RABL3: variants seen among roughly 807,000 people sequenced by gnomAD.
RABL3 encodes the protein RAB, member of RAS oncogene family like 3.
A neutral mutation model predicts 31.8 loss-of-function variants in RABL3; 31 were observed. That is an observed-to-expected ratio of 0.97 (90% CI 0.73 to 1.31). RABL3 has a LOEUF of 1.31. Among genes scored for constraint, RABL3 ranks in the 40% most tolerant of loss-of-function variants. The pLI is 0.00. For synonymous variants in RABL3, 97 were observed against 99.9 expected, an observed-to-expected ratio of 0.97 and a Z score of 0.18; for missense variants, 263 against 279.6, an observed-to-expected ratio of 0.94 and a Z score of 0.42.
At chr3:120,734,680 T>C (rs11720614) in intron 1 of RABL3, among the ~76,000 whole-genome samples, 35,968 of 152,152 alleles carry the variant, frequency 0.24, 4,861 homozygotes, top group Non-Finnish European at 0.3. Flanking sequence ...GGCTGTGGGT[T>C]TGCCATAAAT....
rs1708331890 is a variant in RABL3, at chr3:120,687,962, A to C, written c.*1861T>G. ...CAGGCGCGTGCCACCAGGCCTGGCT[A>C]ATTTTTGTATTTTTAGTAGAGACAG... On this transcript the variant is annotated 3_prime_UTR_variant, in exon 8 of 8. Transcript: ENST00000273375. 6.6e-6 allele frequency: 1 copy of C among 151,894 alleles called. No homozygotes were observed. Among genetic ancestry groups the C allele is most frequent in the South Asian group, 2.1e-4 (1 of 4,818 alleles). 9.4% of individuals were successfully genotyped at this position (151,894 alleles called of 1,614,324 possible). A position where few individuals can be genotyped will look rare whatever the true frequency, so the allele number is the denominator to read the frequency against.
intron 1 of RABL3, among the ~76,000 whole-genome samples, chr3:120,740,065 G>C (rs1709022856): frequency 6.6e-6 from 1 of 152,168 alleles, no homozygotes; most frequent in South Asian, 2.1e-4. Context: ...GAATGCACTT[G>C]ATTTGCTTGG....
chr3:120,709,939 T>G (rs1193756986), intron 2 of RABL3, 30 bp from the exon 3 acceptor site: 1 of 1,540,162 alleles, frequency 6.5e-7, no homozygotes, highest in African/African-American at 1.4e-5. Flanking sequence ...AAATAATTAA[T>G]ATAGCCACTA....
At chr3:120,740,866 G>T (rs557075124) in intron 1 of RABL3, among the ~76,000 whole-genome samples, 1 of 152,256 alleles carries the variant, frequency 6.6e-6, no homozygotes, top group Middle Eastern at 3.4e-3. Flanking sequence ...ACCATAACAG[G>T]GGAGGCGGGC....
At chr3:120,738,228 A>G (rs1175838419) in intron 1 of RABL3, among the ~76,000 whole-genome samples, 1 of 152,142 alleles carries the variant, frequency 6.6e-6, no homozygotes, top group East Asian at 1.9e-4. Flanking sequence ...CCCCAGCCTC[A>G]CTGCCACCTT....
intron 6 of RABL3, among the ~76,000 whole-genome samples, chr3:120,691,273 A>C (rs561438068): frequency 1.3e-5 from 2 of 152,332 alleles, no homozygotes; most frequent in South Asian, 4.1e-4. Flanking sequence ...CAAGAATAAT[A>C]AATTCTGTTC....
At position 120,698,407 on chromosome 3, in the gene RABL3, T is replaced by C; in HGVS notation, c.534+16A>G. On this transcript the variant is annotated intron_variant, in intron 5 of 7. Transcript: ENST00000273375. ...ACCCGATAATAATACAAGCATGCAT[T>C]AGTGAAAATACATACCAAATTAATT... 7.5e-6 allele frequency: 12 copies of C among 1,606,020 alleles called. No individual in the cohort carries two copies. Among genetic ancestry groups the C allele is most frequent in the Non-Finnish European group, 1.0e-5 (12 of 1,174,802 alleles).
intron 3 of RABL3, among the ~76,000 whole-genome samples, chr3:120,707,259 T>G (rs1708559642): frequency 6.6e-6 from 1 of 152,136 alleles, no homozygotes; most frequent in Non-Finnish European, 1.5e-5. Flanking sequence ...GCATCTCTTC[T>G]GGTGTCTGAA....
chr3:120,733,828 C>T (rs905769547), intron 1 of RABL3, among the ~76,000 whole-genome samples: 1 of 152,244 alleles, frequency 6.6e-6, no homozygotes, highest in Non-Finnish European at 1.5e-5. Flanking sequence ...TTCCCCATTG[C>T]TTGTTTTTCT....
intron 2 of RABL3, among the ~76,000 whole-genome samples, chr3:120,727,532 A>T (rs1260855051): frequency 2.0e-5 from 3 of 152,138 alleles, no homozygotes; most frequent in African/African-American, 7.2e-5. Flanking sequence ...GAAAAAAAAA[A>T]TACCAATCTT....
intron 1 of RABL3, among the ~76,000 whole-genome samples, chr3:120,734,901 A>T (rs1421859290): frequency 6.6e-6 from 1 of 152,196 alleles, no homozygotes; most frequent in Non-Finnish European, 1.5e-5. Flanking sequence ...AGCCCACTTG[A>T]TCATGGTAGA....
chr3:120,721,453 C>T (rs1488507714), intron 2 of RABL3, among the ~76,000 whole-genome samples: 1 of 151,834 alleles, frequency 6.6e-6, no homozygotes, highest in African/African-American at 2.4e-5. Flanking sequence ...CAGAGACACA[C>T]ATAGGCTCAA....
chr3:120,695,903 C>G (rs771772021), intron 5 of RABL3, among the ~76,000 whole-genome samples: 4 of 152,048 alleles, frequency 2.6e-5, no homozygotes, highest in Non-Finnish European at 5.9e-5. Flanking sequence ...AATTTCAGGT[C>G]GACCAGCCTA....
At chr3:120,689,952 T>C (rs1250919145) in intron 7 of RABL3, 64 bp from the exon 8 acceptor site, 4 of 1,330,524 alleles carry the variant, frequency 3.0e-6, no homozygotes, top group African/African-American at 1.5e-5. Flanking sequence ...CTAATAGTAA[T>C]TTTTCCCTTC....
chr3:120,718,499 A>G (rs1324484286), intron 2 of RABL3, among the ~76,000 whole-genome samples: 1 of 152,174 alleles, frequency 6.6e-6, no homozygotes, highest in East Asian at 1.9e-4. Context: ...AAACACTTTG[A>G]TATCCACTTG....
intron 5 of RABL3, among the ~76,000 whole-genome samples, chr3:120,695,404 C>T: frequency 6.6e-6 from 1 of 152,116 alleles, no homozygotes; most frequent in East Asian, 1.9e-4. Context: ...CTCTGTGTAA[C>T]ACTGGTTAGG....
chr3:120,691,395 T>C (rs1161709307), intron 6 of RABL3, among the ~76,000 whole-genome samples: 2 of 152,222 alleles, frequency 1.3e-5, no homozygotes, highest in Non-Finnish European at 2.9e-5. Context: ...GCAACATGCA[T>C]TCAGTAGAAA....
Position 120,730,729 on chromosome 3 carries a change from T to C in RABL3, c.105A>G (p.Pro35=), listed in dbSNP as rs564440599. 13 of 1,613,872 alleles carry C rather than the reference T, an allele frequency of 8.1e-6. No homozygotes were observed. Among genetic ancestry groups the C allele is most frequent in the African/African-American group, 6.7e-5 (5 of 74,918 alleles). Residue 35 remains proline, a synonymous_variant, in exon 2 of 8, where the codon CCA becomes CCG. Transcript: ENST00000273375. ...CCACTGAGCAGCCCACAGTCCATGA[T>C]GGATTTCCCAGCACTTGATTTTGGC... is the stretch of plus-strand genomic sequence containing the variant. ...LLCQNQVLGN[P]SWTVGCSVDV...
In RABL3 at chr3:120,687,161, G is replaced by C. The variant is rs1708318756; in HGVS notation, c.*2662C>G. 1 of 152,092 alleles carries C rather than the reference G, an allele frequency of 6.6e-6. No individual in the cohort carries two copies. Among genetic ancestry groups the C allele is most frequent in the Non-Finnish European group, 1.5e-5 (1 of 68,028 alleles). 9.4% of individuals were successfully genotyped at this position (152,092 alleles called of 1,614,324 possible). On this transcript the variant is annotated 3_prime_UTR_variant, in exon 8 of 8. Transcript: ENST00000273375. ...TATACACCTAAGGGACAGAGGAGTAGTCATATATATGCCTTCATATCTGGT... is the reference window on the plus strand; with the variant it reads ...TATACACCTAAGGGACAGAGGAGTACTCATATATATGCCTTCATATCTGGT...
Sources: gnomAD v4.1 joint callset for allele counts (sites outside exome capture counted in the v4.1 genomes callset) on GRCh38, gnomAD v4.1.1 for gene constraint, MANE v1.5 for transcripts, NCBI Gene and HGNC (gene_info 2026-07-23, HGNC 2026-07-21) for gene names.